DLC1: variants seen among roughly 807,000 people sequenced by gnomAD.
DLC1 encodes rho GTPase-activating protein 7.
A neutral mutation model predicts 140.3 loss-of-function variants in DLC1; 54 were observed. The observed-to-expected ratio is 0.38, with a 90% confidence interval of 0.31 to 0.48. The LOEUF is 0.48. Among genes scored for constraint, DLC1 ranks in the 20% least tolerant of loss-of-function variants. DLC1 has a pLI of 0.96. For missense variants in DLC1, 2,536 were observed against 1,907.0 expected, an observed-to-expected ratio of 1.33 and a Z score of -6.14; for synonymous variants, 986 against 728.1, an observed-to-expected ratio of 1.35 and a Z score of -5.70.
intron 1 of DLC1, among the ~76,000 whole-genome samples, chr8:13,598,325 C>T (rs901471765): frequency 1.3e-5 from 2 of 151,524 alleles, no homozygotes; most frequent in Non-Finnish European, 3.0e-5. Context: ...GCTGAGCAGC[C>T]TGGGACAGGG....
At chr8:13,567,464 C>A (rs545463530) in intron 1 of DLC1, 3 of 1,551,986 alleles carry the variant, frequency 1.9e-6, no homozygotes, top group East Asian at 2.4e-5. Context: ...GATGTAGAGG[C>A]TTCAGAGAGA....
intron 1 of DLC1, among the ~76,000 whole-genome samples, chr8:13,534,019 A>G (rs13279832): frequency 0.94 from 143,517 of 152,222 alleles, 67,941 homozygotes; most frequent in East Asian, 1. Flanking sequence ...TTATAGCAGT[A>G]TGAAAATGGA....
At chr8:13,158,017 T>C (rs1563119975) in intron 5 of DLC1, among the ~76,000 whole-genome samples, 2 of 152,260 alleles carry the variant, frequency 1.3e-5, no homozygotes, top group South Asian at 4.1e-4. Flanking sequence ...GTTTGGAACT[T>C]GTGCATACAA....
At chr8:13,453,387 G>GATATATATATATATGTGTAT (rs1799161763) in intron 2 of DLC1, among the ~76,000 whole-genome samples, 3 of 52,454 alleles carry the variant, frequency 5.7e-5, no homozygotes, top group Non-Finnish European at 1.0e-4. Context: ...GATGGCCCAG[G>GATATATATATATATGTGTAT]ATATATATAT....
At chr8:13,264,884 A>G (rs559526167) in intron 5 of DLC1, among the ~76,000 whole-genome samples, 1 of 152,332 alleles carries the variant, frequency 6.6e-6, no homozygotes, top group Non-Finnish European at 1.5e-5. Flanking sequence ...AGACACTGGG[A>G]TTACATGTCC....
intron 2 of DLC1, among the ~76,000 whole-genome samples, chr8:13,477,836 C>G (rs1228210687): frequency 6.6e-6 from 1 of 151,054 alleles, no homozygotes; most frequent in Non-Finnish European, 1.5e-5. Context: ...AAAGATCAAC[C>G]AAGATCACTA....
intron 1 of DLC1, among the ~76,000 whole-genome samples, chr8:13,547,860 T>C (rs991864490): frequency 6.7e-6 from 1 of 149,920 alleles, no homozygotes; most frequent in Non-Finnish European, 1.5e-5. Context: ...ACACTTATCT[T>C]GCACCCATTT....
intron 4 of DLC1, among the ~76,000 whole-genome samples, chr8:13,364,929 CTGTCCTTAAAAGGACCCT>C: frequency 6.6e-6 from 1 of 152,326 alleles, no homozygotes; most frequent in East Asian, 1.9e-4. Flanking sequence ...TGTTTGTTTT[CTGTCCTTAAAAGGACCCT>C]CATCTTTTGC....
intron 2 of DLC1, among the ~76,000 whole-genome samples, chr8:13,451,037 C>CAATAAAAAAAAAAAAAAAA (rs1799018189): frequency 5.4e-5 from 1 of 18,380 alleles, no homozygotes; most frequent in Non-Finnish European, 1.4e-4. Flanking sequence ...GACTCCGTCT[C>CAATAAAAAAAAAAAAAAAA]AAAAAAAAAA....
intron 2 of DLC1, among the ~76,000 whole-genome samples, chr8:13,496,168 A>G (rs532947739): frequency 7.2e-5 from 11 of 152,172 alleles, no homozygotes; most frequent in Non-Finnish European, 1.2e-4. Flanking sequence ...TGTGCCTCCA[A>G]AAAACTTATC....
At chr8:13,508,398 T>C (rs1014026325) in intron 1 of DLC1, among the ~76,000 whole-genome samples, 9 of 151,134 alleles carry the variant, frequency 6.0e-5, no homozygotes, top group Non-Finnish European at 1.2e-4. Flanking sequence ...ACAATATTGC[T>C]TTATGGATGT....
At chr8:13,173,961 C>CTTTGTCAGATGCAGAGTT in intron 5 of DLC1, among the ~76,000 whole-genome samples, 2 of 152,018 alleles carry the variant, frequency 1.3e-5, no homozygotes, top group Non-Finnish European at 2.9e-5. Flanking sequence ...ATCTCATCAC[C>CTTTGTCAGATGCAGAGTT]CAGGTAGTGA....
intron 5 of DLC1, among the ~76,000 whole-genome samples, chr8:13,267,133 C>T (rs578237334): frequency 7.9e-5 from 12 of 152,342 alleles, no homozygotes; most frequent in African/African-American, 2.4e-4. Context: ...CCTGAAATTA[C>T]ATGTTCAAAC....
chr8:13,504,809 A>G (rs1281115677), intron 1 of DLC1, among the ~76,000 whole-genome samples: 1 of 152,168 alleles, frequency 6.6e-6, no homozygotes, highest in Admixed American at 6.5e-5. Flanking sequence ...GCTACTGGAG[A>G]GATAGCTAAC....
In DLC1 at chr8:13,092,650, G is replaced by C; in HGVS notation, c.3702C>G (p.Phe1234Leu). The C allele has an allele frequency of 6.2e-7, 1 of 1,614,186 alleles. No homozygotes were observed. Among genetic ancestry groups the C allele is most frequent in the Non-Finnish European group, 8.5e-7 (1 of 1,180,032 alleles). ...TCTCTCTCTTCAGGGTGTTGAGATG[G>C]AAGAGGGAAGGCGCTAAGCACACGG... ...NLAVCLAPSLFHLNTLKRENS... is the reference protein window; with the variant it reads ...NLAVCLAPSLLHLNTLKRENS... The change falls in exon 13 of 18, where the codon TTC becomes TTG. Residue 1234 changes from phenylalanine to leucine, a missense_variant. Physicochemically the swap from Phe to Leu is conservative, Grantham distance 22. Transcript: ENST00000276297.
intron 4 of DLC1, among the ~76,000 whole-genome samples, chr8:13,382,087 T>G (rs971459566): frequency 6.6e-6 from 1 of 151,970 alleles, no homozygotes; most frequent in Non-Finnish European, 1.5e-5. Flanking sequence ...GAGGAAAAAA[T>G]TTAGCAATAT....
intron 5 of DLC1, among the ~76,000 whole-genome samples, chr8:13,184,153 G>A (rs1287071716): frequency 6.6e-6 from 1 of 152,118 alleles, no homozygotes; most frequent in Non-Finnish European, 1.5e-5. Flanking sequence ...TATGGGATTG[G>A]TGGTGATATC....
chr8:13,353,939 A>G (rs968000033), intron 4 of DLC1, among the ~76,000 whole-genome samples: 1 of 152,002 alleles, frequency 6.6e-6, no homozygotes, highest in African/African-American at 2.4e-5. Flanking sequence ...TGATTTATTC[A>G]GTGATGGTTG....
intron 2 of DLC1, among the ~76,000 whole-genome samples, chr8:13,460,098 A>G (rs1425487611): frequency 1.3e-5 from 2 of 152,224 alleles, no homozygotes; most frequent in East Asian, 1.9e-4. Context: ...TAGGAACTCA[A>G]TAAAGCTCTC....
Sources: gnomAD v4.1 joint callset for allele counts (sites outside exome capture counted in the v4.1 genomes callset) on GRCh38, gnomAD v4.1.1 for gene constraint, MANE v1.5 for transcripts, NCBI Gene and HGNC (gene_info 2026-07-23, HGNC 2026-07-21) for gene names.